The following GRM7 variants were observed in gnomAD, a reference collection of about 807,000 sequenced individuals.
GRM7 encodes metabotropic glutamate receptor 7.
In GRM7, 35 loss-of-function variants were observed where a neutral mutation model predicts 84.5. The ratio of observed to expected loss-of-function variants is 0.41; its 90% CI spans 0.32 to 0.55. The LOEUF is 0.55. Ranked by LOEUF, GRM7 falls within the 20% of genes least tolerant of loss-of-function variation. The pLI is 0.19. For synonymous variants in GRM7, 487 were observed against 455.1 expected, an observed-to-expected ratio of 1.07 and a Z score of -0.89; for missense variants, 1,003 against 1,194.6, an observed-to-expected ratio of 0.84 and a Z score of 2.36.
At chr3:7,420,530 A>G (rs1696351340) in intron 5 of GRM7, among the ~76,000 whole-genome samples, 1 of 152,136 alleles carries the variant, frequency 6.6e-6, no homozygotes, top group African/African-American at 2.4e-5. Flanking sequence ...CAGATTAATG[A>G]TGATTTCATC....
At chr3:7,356,341 G>A (rs1000548588) in intron 4 of GRM7, among the ~76,000 whole-genome samples, 2 of 151,196 alleles carry the variant, frequency 1.3e-5, no homozygotes, top group Non-Finnish European at 1.5e-5. Context: ...TCACTCTGTC[G>A]CCCAGGCTGG....
At chr3:7,129,743 G>A (rs1184113450) in intron 1 of GRM7, among the ~76,000 whole-genome samples, 1 of 152,158 alleles carries the variant, frequency 6.6e-6, no homozygotes, top group Non-Finnish European at 1.5e-5. Context: ...GAAGTAGCCT[G>A]GGTCCTTGGT....
At chr3:7,501,984 A>C (rs1029088416) in intron 7 of GRM7, among the ~76,000 whole-genome samples, 3 of 152,164 alleles carry the variant, frequency 2.0e-5, no homozygotes, top group Admixed American at 6.5e-5. Context: ...GCAGCCTTAC[A>C]TAGTGGTTCT....
chr3:7,073,442 C>G (rs1025417639), intron 1 of GRM7, among the ~76,000 whole-genome samples: 5 of 151,968 alleles, frequency 3.3e-5, no homozygotes, highest in Non-Finnish European at 7.4e-5. Flanking sequence ...AGCACTGTGC[C>G]TTAGTATTAT....
intron 4 of GRM7, among the ~76,000 whole-genome samples, chr3:7,343,849 A>G (rs57584989): frequency 0.042 from 6,323 of 152,156 alleles, 294 homozygotes; most frequent in African/African-American, 0.12. Flanking sequence ...ACAGTCATGC[A>G]GTTGCCACGA....
chr3:7,681,151 G>C (rs2125141704), intron 9 of GRM7: 1 of 152,238 alleles, frequency 6.6e-6, no homozygotes, highest in South Asian at 2.1e-4. Flanking sequence ...TTTAAGATTT[G>C]TTTTCCAGGA....
intron 8 of GRM7, among the ~76,000 whole-genome samples, chr3:7,650,336 T>C (rs747929505): frequency 1.3e-5 from 2 of 152,138 alleles, no homozygotes; most frequent in Non-Finnish European, 2.9e-5. Flanking sequence ...ACCCGGGTGA[T>C]AGTAATGGTA....
At chr3:7,667,761 T>C (rs1699759690) in intron 8 of GRM7, among the ~76,000 whole-genome samples, 2 of 151,820 alleles carry the variant, frequency 1.3e-5, no homozygotes, top group African/African-American at 4.8e-5. Context: ...GTTTTAAAAA[T>C]ATTTATTGAT....
intron 2 of GRM7, among the ~76,000 whole-genome samples, chr3:7,255,150 A>G (rs1698148843): frequency 6.6e-6 from 1 of 151,594 alleles, no homozygotes; most frequent in African/African-American, 2.4e-5. Flanking sequence ...CAAAAGATCC[A>G]GTAGATTCTC....
At chr3:7,064,517 T>TATATAC (rs1202450804) in intron 1 of GRM7, among the ~76,000 whole-genome samples, 2 of 111,866 alleles carry the variant, frequency 1.8e-5, no homozygotes, top group African/African-American at 3.8e-5. Flanking sequence ...TATATATATA[T>TATATAC]ACACACACAC....
chr3:7,056,102 A>G (rs2124962369), intron 1 of GRM7, among the ~76,000 whole-genome samples: 1 of 152,148 alleles, frequency 6.6e-6, no homozygotes, highest in East Asian at 1.9e-4. Flanking sequence ...GAGGGAGAAA[A>G]AAACACAGCA....
At chr3:7,019,936 T>G (rs1695716763) in intron 1 of GRM7, among the ~76,000 whole-genome samples, 1 of 152,236 alleles carries the variant, frequency 6.6e-6, no homozygotes, top group Non-Finnish European at 1.5e-5. Flanking sequence ...GAAAAGATTT[T>G]GTTTCTATCA....
chr3:7,551,099 G>C (rs1693446735), intron 7 of GRM7, among the ~76,000 whole-genome samples: 1 of 152,056 alleles, frequency 6.6e-6, no homozygotes, highest in Non-Finnish European at 1.5e-5. Flanking sequence ...CATGTCTTAT[G>C]AATAATAAAT....
intron 5 of GRM7, among the ~76,000 whole-genome samples, chr3:7,436,487 T>G (rs1014995113): frequency 1.3e-5 from 1 of 77,176 alleles, no homozygotes; most frequent in Non-Finnish European, 2.7e-5. Flanking sequence ...GGGCCATACT[T>G]TGTCTACCTC....
intron 7 of GRM7, among the ~76,000 whole-genome samples, chr3:7,525,864 A>G (rs7647316): frequency 0.011 from 1,749 of 152,232 alleles, 24 homozygotes; most frequent in African/African-American, 0.036. Flanking sequence ...AGCTCCATCC[A>G]TGTTCCTGCA....
chr3:6,928,345 G>T lies in GRM7; in HGVS notation c.519+66438G>T, dbSNP rs1236582797. The stretch of plus-strand genomic sequence containing the variant: ...TTTTCCCATGAAAGTTTACTATTTG[G>T]CACTGGTCCTGCAGGAAGGTGGCAA... On this transcript the variant is annotated intron_variant, in intron 1 of 9. Coordinates refer to ENST00000357716, the MANE Select transcript of GRM7 (RefSeq NM_000844.4). This position sits in a 1 kb window ranked among gnomAD's most constrained non-coding sequence, Gnocchi z 4.5. Among the ~76,000 whole-genome samples, 1 of 152,018 alleles carries T rather than the reference G, an allele frequency of 6.6e-6. No homozygotes were observed. Among genetic ancestry groups the T allele is most frequent in the Non-Finnish European group, 1.5e-5 (1 of 68,002 alleles).
chr3:7,087,772 T>C (rs1698512600), intron 1 of GRM7, among the ~76,000 whole-genome samples: 1 of 152,170 alleles, frequency 6.6e-6, no homozygotes, highest in South Asian at 2.1e-4. Context: ...TTAATTCCTT[T>C]ATCTGTAACA....
At chr3:7,712,596 C>A (rs1575660742) in intron 9 of GRM7, among the ~76,000 whole-genome samples, 1 of 151,894 alleles carries the variant, frequency 6.6e-6, no homozygotes, top group East Asian at 1.9e-4. Context: ...TAAATCTCAC[C>A]TTTGTTAAGT....
chr3:7,174,147 G>T (rs1036677275), intron 2 of GRM7, among the ~76,000 whole-genome samples: 2 of 152,076 alleles, frequency 1.3e-5, no homozygotes, highest in Non-Finnish European at 2.9e-5. Context: ...TGTCTTTCCA[G>T]GTAGCAGAAA....
Sources: gnomAD v4.1 joint callset for allele counts (sites outside exome capture counted in the v4.1 genomes callset) on GRCh38, gnomAD v4.1.1 for gene constraint, Gnocchi (gnomAD v3.1) non-coding constraint, MANE v1.5 for transcripts, NCBI Gene and HGNC (gene_info 2026-07-23, HGNC 2026-07-21) for gene names.